The following MAML2 variants were observed in gnomAD, a reference collection of about 807,000 sequenced individuals.
MAML2 encodes mastermind like transcriptional coactivator 2.
In MAML2, 22 loss-of-function variants were observed where a neutral mutation model predicts 96.1. The observed-to-expected ratio is 0.23, with a 90% CI of 0.16 to 0.33. The LOEUF (loss-of-function observed/expected upper bound fraction) is 0.33, where lower values mean the gene tolerates loss of function less well. Ranked by LOEUF, MAML2 falls within the 10% of genes least tolerant of loss-of-function variation. MAML2 has a pLI of 1.00. For missense variants in MAML2, 1,367 were observed against 1,392.4 expected (o/e 0.98, Z 0.29); for synonymous variants, 561 against 521.3 (o/e 1.08, Z -1.04).
At chr11:96,193,467 C>T (rs984333614) in intron 1 of MAML2, among the ~76,000 whole-genome samples, 5 of 152,164 alleles carry the variant, frequency 3.3e-5, no homozygotes, top group African/African-American at 1.2e-4. Context: ...TTTGCAATCT[C>T]TACTTGGCAG....
At chr11:96,042,549 C>G (rs1446682264) in intron 2 of MAML2, among the ~76,000 whole-genome samples, 1 of 149,816 alleles carries the variant, frequency 6.7e-6, no homozygotes, top group African/African-American at 2.5e-5. Flanking sequence ...ATTTAGCTCC[C>G]TACCGTATAA....
intron 1 of MAML2, among the ~76,000 whole-genome samples, chr11:96,325,560 A>C (rs891080686): frequency 6.6e-6 from 1 of 152,080 alleles, no homozygotes; most frequent in Non-Finnish European, 1.5e-5. Flanking sequence ...ATATATTATT[A>C]TTATGACCAT....
In MAML2 at chr11:95,980,524, C is replaced by T. The variant is rs553992834; in HGVS notation, c.2456-561G>A. On this transcript the variant is annotated intron_variant, in intron 4 of 4. Transcript: ENST00000524717. ...GGTAAATCTCCATCTCTTTAAACAT[C>T]TGGAATTCAGTGCTCTAGAAATTAT... Among the ~76,000 whole-genome samples the T allele has an allele frequency of 3.9e-5, 6 of 152,308 alleles. No individual in the cohort carries two copies. The East Asian group carries it at 1.2e-3, about 29-fold the overall frequency.
chr11:96,002,441 G>A (rs1315133343), intron 2 of MAML2, among the ~76,000 whole-genome samples: 1 of 152,144 alleles, frequency 6.6e-6, no homozygotes, highest in Non-Finnish European at 1.5e-5. Flanking sequence ...CACCTTAGAA[G>A]GACCTTTGGC....
chr11:96,329,881 G>A (rs565298116), intron 1 of MAML2, among the ~76,000 whole-genome samples: 20 of 152,334 alleles, frequency 1.3e-4, no homozygotes, highest in African/African-American at 4.8e-4. Flanking sequence ...AGATGGGAAT[G>A]TGCTCACTTT....
intron 3 of MAML2, among the ~76,000 whole-genome samples, chr11:95,986,894 GA>G (rs938747898): frequency 2.0e-5 from 3 of 150,846 alleles, no homozygotes; most frequent in South Asian, 4.2e-4. Context: ...GAAGCTAAGA[GA>G]AAAAAAAAGA....
chr11:96,045,905 T>TG (rs1469289954), intron 2 of MAML2, among the ~76,000 whole-genome samples: 1 of 146,328 alleles, frequency 6.8e-6, no homozygotes, highest in African/African-American at 2.7e-5. Flanking sequence ...CACTTCTGTT[T>TG]TTTTTTTTTT....
At chr11:96,331,678 C>T (rs1169068095) in intron 1 of MAML2, among the ~76,000 whole-genome samples, 5 of 151,394 alleles carry the variant, frequency 3.3e-5, no homozygotes, top group Admixed American at 6.6e-5. Context: ...ATTAGCCGGG[C>T]GTGGTGGTGG....
chr11:96,185,666 A>G lies in MAML2; in HGVS notation c.514-92149T>C, dbSNP rs116068487. Among the ~76,000 whole-genome samples the G allele has an allele frequency of 2.9e-3, 440 of 152,318 alleles. 1 individual carries two copies. The highest frequency in any genetic ancestry group is 9.8e-3 in the African/African-American group (409 of 41,562). On this transcript the variant is annotated intron_variant, in intron 1 of 4. Transcript: ENST00000524717. ...CTCTCCCCCAGACCTGCTGAATGAGAAGCTGATTAAGCAAGATTCTCAGGT... is the reference window on the plus strand; with the variant it reads ...CTCTCCCCCAGACCTGCTGAATGAGGAGCTGATTAAGCAAGATTCTCAGGT...
intron 1 of MAML2, among the ~76,000 whole-genome samples, chr11:96,153,826 A>G (rs920030426): frequency 1.3e-5 from 2 of 152,078 alleles, no homozygotes; most frequent in African/African-American, 4.8e-5. Flanking sequence ...CAGGAGAATC[A>G]CTTGAACCTG....
chr11:96,109,569 A>T (rs1272607909), intron 1 of MAML2, among the ~76,000 whole-genome samples: 1 of 152,224 alleles, frequency 6.6e-6, no homozygotes, highest in Admixed American at 6.5e-5. Flanking sequence ...AACAAAGTTT[A>T]TGATTAATTC....
chr11:96,291,954 C>A (rs773906575), intron 1 of MAML2, among the ~76,000 whole-genome samples: 1 of 152,198 alleles, frequency 6.6e-6, no homozygotes, highest in Non-Finnish European at 1.5e-5. Context: ...TATCTTTATG[C>A]AGCATGTGAG....
chr11:96,220,059 A>T (rs1862111728), intron 1 of MAML2, among the ~76,000 whole-genome samples: 1 of 152,220 alleles, frequency 6.6e-6, no homozygotes, highest in African/African-American at 2.4e-5. Context: ...TATCATTGCC[A>T]TGATCTTTAT....
intron 1 of MAML2, among the ~76,000 whole-genome samples, chr11:96,170,202 GTATTTTCCA>G (rs1049245241): frequency 1.3e-5 from 2 of 152,122 alleles, no homozygotes; most frequent in Non-Finnish European, 2.9e-5. Context: ...CACTTGGGTG[GTATTTTCCA>G]ACCTTTTCAC....
At chr11:96,135,167 C>T (rs1351805403) in intron 1 of MAML2, among the ~76,000 whole-genome samples, 2 of 152,268 alleles carry the variant, frequency 1.3e-5, no homozygotes, top group East Asian at 3.9e-4. Flanking sequence ...TTATCATGGG[C>T]GTGGGTTCCT....
At chr11:96,268,579 A>G (rs929963572) in intron 1 of MAML2, among the ~76,000 whole-genome samples, 1 of 152,194 alleles carries the variant, frequency 6.6e-6, no homozygotes, top group East Asian at 1.9e-4. Flanking sequence ...AAATTGGTAT[A>G]TGATATGGTT....
At chr11:96,180,161 C>CAA (rs111732400) in intron 1 of MAML2, among the ~76,000 whole-genome samples, 7 of 151,502 alleles carry the variant, frequency 4.6e-5, no homozygotes, top group East Asian at 1.9e-4. Flanking sequence ...CCAAAGAAGC[C>CAA]AAAAAAAAGG....
At chr11:96,289,260 C>T (rs912943207) in intron 1 of MAML2, among the ~76,000 whole-genome samples, 6 of 152,134 alleles carry the variant, frequency 3.9e-5, no homozygotes, top group African/African-American at 1.4e-4. Context: ...CTAAGTAATA[C>T]CACTTTTATT....
At chr11:96,135,064 C>T (rs546989372) in intron 1 of MAML2, among the ~76,000 whole-genome samples, 1 of 152,280 alleles carries the variant, frequency 6.6e-6, no homozygotes, top group South Asian at 2.1e-4. Context: ...AAACTTAATC[C>T]CCAAAGCAAG....
Sources: gnomAD v4.1 joint callset for allele counts (sites outside exome capture counted in the v4.1 genomes callset) on GRCh38, gnomAD v4.1.1 for gene constraint, MANE v1.5 for transcripts, NCBI Gene and HGNC (gene_info 2026-07-23, HGNC 2026-07-21) for gene names.